The following APBB2 variants were observed in gnomAD, a reference collection of about 807,000 sequenced individuals.
APBB2 encodes amyloid beta precursor protein binding family B member 2.
A neutral mutation model predicts 82.5 loss-of-function variants in APBB2; 38 were observed. That is an observed-to-expected ratio of 0.46 (90% CI 0.36 to 0.60). The LOEUF (loss-of-function observed/expected upper bound fraction) is 0.60, where lower values mean the gene tolerates loss of function less well. Among genes scored for constraint, APBB2 ranks in the 20% least tolerant of loss-of-function variants. The probability of loss-of-function intolerance (pLI) is 0.00; values close to 1 mark genes in which losing one functional copy is unlikely to be tolerated. For synonymous variants in APBB2, 341 were observed against 368.2 expected (o/e 0.93, Z 0.85); for missense variants, 772 against 972.3 (o/e 0.79, Z 2.74).
intron 4 of APBB2, among the ~76,000 whole-genome samples, chr4:41,058,123 G>A (rs762361607): frequency 1.2e-4 from 19 of 152,112 alleles, no homozygotes; most frequent in Non-Finnish European, 2.1e-4. Flanking sequence ...CAGGGCATCC[G>A]ATTCCTCCTG....
chr4:40,874,815 T>C (rs1245257396), intron 12 of APBB2, among the ~76,000 whole-genome samples: 2 of 152,214 alleles, frequency 1.3e-5, no homozygotes, highest in Non-Finnish European at 2.9e-5. Context: ...GTGGAATCTC[T>C]TTTTCTTTAA....
At chr4:40,824,085 G>C (rs1440689094) in intron 15 of APBB2, among the ~76,000 whole-genome samples, 1 of 152,126 alleles carries the variant, frequency 6.6e-6, no homozygotes, top group East Asian at 1.9e-4. Context: ...CCAGGAGGCG[G>C]AGGCTGCAGT....
At chr4:41,142,818 T>C (rs1188457902) in intron 2 of APBB2, among the ~76,000 whole-genome samples, 169 bp downstream of exon 2, 1 of 152,290 alleles carries the variant, frequency 6.6e-6, no homozygotes, top group East Asian at 1.9e-4. Context: ...CATTACACTA[T>C]ACACAAAAGG....
chr4:41,052,836 G>A (rs1228139818), intron 4 of APBB2, among the ~76,000 whole-genome samples: 1 of 149,140 alleles, frequency 6.7e-6, no homozygotes, highest in Non-Finnish European at 1.5e-5. Flanking sequence ...GCGTGATCTC[G>A]GCTTGCAACC....
intron 2 of APBB2, among the ~76,000 whole-genome samples, chr4:41,117,726 A>C (rs932905654): frequency 1.3e-5 from 2 of 152,102 alleles, no homozygotes; most frequent in African/African-American, 4.8e-5. Flanking sequence ...CCAAATTCCT[A>C]AGCGCTAGTG....
intron 6 of APBB2, among the ~76,000 whole-genome samples, chr4:40,961,226 C>A (rs1462351588): frequency 6.6e-6 from 1 of 152,068 alleles, no homozygotes; most frequent in Non-Finnish European, 1.5e-5. Context: ...CATCCTATTT[C>A]ATTCATCTCA....
chr4:41,128,199 A>G (rs1580264358), intron 2 of APBB2, among the ~76,000 whole-genome samples: 1 of 152,366 alleles, frequency 6.6e-6, no homozygotes, highest in Non-Finnish European at 1.5e-5. Context: ...GAGAAATGCA[A>G]TTCAAAACCA....
intron 11 of APBB2, among the ~76,000 whole-genome samples, chr4:40,891,951 CTTT>C (rs565676579): frequency 8.3e-5 from 11 of 132,062 alleles, no homozygotes; most frequent in Non-Finnish European, 5.0e-5. Flanking sequence ...GGGTTTTGTT[CTTT>C]TTTTTTTTTT....
At chr4:40,875,708 G>C (rs1009605796) in intron 12 of APBB2, among the ~76,000 whole-genome samples, 3 of 152,024 alleles carry the variant, frequency 2.0e-5, no homozygotes, top group Non-Finnish European at 4.4e-5. Context: ...ATTTTTATCT[G>C]ACTTTGCTAG....
intron 4 of APBB2, among the ~76,000 whole-genome samples, chr4:41,061,599 T>C (rs1215593394): frequency 6.6e-6 from 1 of 152,250 alleles, no homozygotes. Context: ...CTGTTGTACA[T>C]GCAGTCCATC....
intron 5 of APBB2, among the ~76,000 whole-genome samples, chr4:41,015,700 A>G (rs918028099): frequency 6.6e-6 from 1 of 152,162 alleles, no homozygotes; most frequent in Non-Finnish European, 1.5e-5. Context: ...TGTGGCCCAT[A>G]AGAGAGTCAA....
chr4:41,030,145 G>C (rs2154440374), intron 5 of APBB2, among the ~76,000 whole-genome samples: 1 of 152,206 alleles, frequency 6.6e-6, no homozygotes, highest in Admixed American at 6.5e-5. Flanking sequence ...GACAGAGCTA[G>C]ACTCCATCTC....
At chr4:40,988,683 G>A (rs1217328395) in intron 6 of APBB2, among the ~76,000 whole-genome samples, 4 of 149,084 alleles carry the variant, frequency 2.7e-5, no homozygotes, top group Admixed American at 2.0e-4. Flanking sequence ...AAAAAAGCCA[G>A]GGGCTACTAT....
chr4:41,058,202 A>G (rs1728503054), intron 4 of APBB2, among the ~76,000 whole-genome samples: 1 of 152,094 alleles, frequency 6.6e-6, no homozygotes, highest in African/African-American at 2.4e-5. Flanking sequence ...ATAGATCCAG[A>G]GCATCCAAAC....
At chr4:41,019,283 A>G (rs16852718) in intron 5 of APBB2, among the ~76,000 whole-genome samples, 6,716 of 152,284 alleles carry the variant, frequency 0.044, 311 homozygotes, top group African/African-American at 0.12. Flanking sequence ...GTGGAAACAC[A>G]AAAGAGTAAC....
chr4:40,871,038 A>C (rs1301024093), intron 12 of APBB2, among the ~76,000 whole-genome samples: 1 of 151,654 alleles, frequency 6.6e-6, no homozygotes, highest in Admixed American at 6.6e-5. Flanking sequence ...GTCTCTCAGA[A>C]GGACACTTAT....
chr4:41,067,525 A>G (rs1037615643), intron 3 of APBB2, among the ~76,000 whole-genome samples: 1 of 152,154 alleles, frequency 6.6e-6, no homozygotes, highest in East Asian at 1.9e-4. Context: ...AAAGGCATAA[A>G]AGTGATTACA....
chr4:41,003,334 T>C (rs1046265672), intron 6 of APBB2, among the ~76,000 whole-genome samples: 2 of 152,334 alleles, frequency 1.3e-5, no homozygotes, highest in Middle Eastern at 3.4e-3. Flanking sequence ...CCTGAAAATT[T>C]TGAATATAAT....
intron 10 of APBB2, among the ~76,000 whole-genome samples, chr4:40,922,030 G>T (rs567404555): frequency 6.6e-6 from 1 of 152,324 alleles, no homozygotes; most frequent in Non-Finnish European, 1.5e-5. Context: ...TGTCTGGCTA[G>T]AGATCTGGGG....
Sources: gnomAD v4.1 joint callset for allele counts (sites outside exome capture counted in the v4.1 genomes callset) on GRCh38, gnomAD v4.1.1 for gene constraint, MANE v1.5 for transcripts, NCBI Gene and HGNC (gene_info 2026-07-23, HGNC 2026-07-21) for gene names.